SNTG1: variants seen among roughly 807,000 people sequenced by gnomAD.
The protein encoded by SNTG1 is syntrophin gamma 1.
SNTG1 carries 39 observed loss-of-function variants against 74.7 expected under a neutral mutation model. The ratio of observed to expected loss-of-function variants is 0.52; its 90% CI spans 0.40 to 0.68. SNTG1 has a LOEUF of 0.68. Ranked by LOEUF, SNTG1 falls within the 30% of genes least tolerant of loss-of-function variation. The pLI is 0.00. For synonymous variants in SNTG1, 254 were observed against 217.1 expected (o/e 1.17, Z -1.49); for missense variants, 685 against 609.5 (o/e 1.12, Z -1.30).
At chr8:50,136,570 T>C (rs2081482302) in intron 1 of SNTG1, among the ~76,000 whole-genome samples, 1 of 152,158 alleles carries the variant, frequency 6.6e-6, no homozygotes, top group African/African-American at 2.4e-5. Context: ...AGACTCCTTT[T>C]GTCCTGAGAA....
At chr8:50,715,742 T>TG (rs1306523488) in intron 17 of SNTG1, among the ~76,000 whole-genome samples, 9 of 152,194 alleles carry the variant, frequency 5.9e-5, no homozygotes. Context: ...ACTTACATTC[T>TG]GAGAATTAAG....
intron 2 of SNTG1, among the ~76,000 whole-genome samples, chr8:50,255,678 T>C (rs567660916): frequency 3.9e-5 from 6 of 152,352 alleles, no homozygotes; most frequent in African/African-American, 7.2e-5. Flanking sequence ...TGCATGTTTA[T>C]GTCTAAATGT....
At position 50,657,043 on chromosome 8, in the gene SNTG1, A is replaced by G. The variant is rs368397896; in HGVS notation, c.966+18A>G. On this transcript the variant is annotated intron_variant, in intron 14 of 18. Transcript: ENST00000642720. ...CACCTCCAGTACGTGTTTTATTGAA[A>G]TGTATTGGTCGTTTCCATATTATCA... is the stretch of plus-strand genomic sequence containing the variant. 13 of 1,450,294 alleles carry G rather than the reference A, an allele frequency of 9.0e-6. No homozygotes were observed. In the African/African-American group the frequency reaches 1.9e-4, roughly 21 times the overall value. The allele number at this position is 1,450,294 out of a possible 1,614,324, so 89.8% of individuals were successfully genotyped here.
At chr8:50,773,989 A>G (rs1455216784) in intron 18 of SNTG1, among the ~76,000 whole-genome samples, 1 of 152,054 alleles carries the variant, frequency 6.6e-6, no homozygotes, top group Admixed American at 6.6e-5. Flanking sequence ...AACTGAACAA[A>G]ACATTTGAGT....
chr8:50,449,144 G>A (rs538077227), intron 5 of SNTG1, among the ~76,000 whole-genome samples: 80 of 152,240 alleles, frequency 5.3e-4, no homozygotes, highest in Non-Finnish European at 9.1e-4. Context: ...TTTCACACAA[G>A]GAGGAATTCA....
Position 50,198,378 on chromosome 8 carries a change from A to T in SNTG1, c.-28+25743A>T, listed in dbSNP as rs1015058081. 2.0e-5 allele frequency among the ~76,000 whole-genome samples: 3 copies of T among 152,124 alleles called. No individual in the cohort carries two copies. In the East Asian group the frequency reaches 5.8e-4, roughly 29 times the overall value. On this transcript the variant is annotated intron_variant, in intron 2 of 18. Coordinates refer to ENST00000642720, the MANE Select transcript of SNTG1 (RefSeq NM_018967.5). Reference sequence around the variant, plus strand: ...GCCACACCATCAGTTTGAGTTGCTGATTATTTCTCTGGAAATAGGATAGGC... The same window carrying T: ...GCCACACCATCAGTTTGAGTTGCTGTTTATTTCTCTGGAAATAGGATAGGC...
intron 2 of SNTG1, among the ~76,000 whole-genome samples, chr8:50,227,795 A>C (rs1281015638): frequency 1.3e-5 from 2 of 151,932 alleles, no homozygotes; most frequent in East Asian, 3.9e-4. Flanking sequence ...ATAACTGAGA[A>C]AGTATTTATA....
At chr8:50,065,626 C>T (rs987028139) in intron 1 of SNTG1, among the ~76,000 whole-genome samples, 1 of 152,066 alleles carries the variant, frequency 6.6e-6, no homozygotes, top group Non-Finnish European at 1.5e-5. Context: ...ATATTATAGA[C>T]GTTTTCAGGA....
intron 2 of SNTG1, among the ~76,000 whole-genome samples, chr8:50,387,497 T>G (rs889604211): frequency 6.6e-6 from 1 of 151,750 alleles, no homozygotes; most frequent in Non-Finnish European, 1.5e-5. Flanking sequence ...TATAAGTCAT[T>G]TTTTTTTGGT....
intron 2 of SNTG1, among the ~76,000 whole-genome samples, chr8:50,243,192 AG>A (rs1164989523): frequency 2.6e-5 from 4 of 152,104 alleles, no homozygotes; most frequent in African/African-American, 7.2e-5. Flanking sequence ...TATATTTGAA[AG>A]ACCTCTGTGA....
At chr8:50,277,239 C>G (rs1439717292) in intron 2 of SNTG1, among the ~76,000 whole-genome samples, 2 of 132,624 alleles carry the variant, frequency 1.5e-5, no homozygotes, top group South Asian at 4.8e-4. Context: ...TGCACTCCCG[C>G]TTAGGCAACT....
chr8:50,753,509 A>G (rs897937057), intron 18 of SNTG1, among the ~76,000 whole-genome samples: 2 of 151,942 alleles, frequency 1.3e-5, no homozygotes, highest in Non-Finnish European at 2.9e-5. Flanking sequence ...ACACTTTTTA[A>G]TGAGCTAACA....
At chr8:50,570,226 TTTTTATTTTATTTTA>T (rs1175368970) in intron 12 of SNTG1, among the ~76,000 whole-genome samples, 3 of 46,848 alleles carry the variant, frequency 6.4e-5, no homozygotes, top group Non-Finnish European at 1.2e-4. Flanking sequence ...GGTGGTTCTA[TTTTTATTTTATTTTA>T]TTTTATTTTA....
At chr8:50,606,934 A>G (rs952729014) in intron 13 of SNTG1, among the ~76,000 whole-genome samples, 5 of 151,836 alleles carry the variant, frequency 3.3e-5, no homozygotes, top group Non-Finnish European at 7.4e-5. Context: ...CCAGTTAATC[A>G]TAATGTTTTT....
intron 8 of SNTG1, among the ~76,000 whole-genome samples, chr8:50,481,304 C>A (rs1300556164): frequency 6.6e-6 from 1 of 152,086 alleles, no homozygotes; most frequent in Non-Finnish European, 1.5e-5. Flanking sequence ...TTGCTTGAAC[C>A]CGGGAGACGG....
At chr8:50,105,873 T>C (rs193172856) in intron 1 of SNTG1, among the ~76,000 whole-genome samples, 2 of 152,136 alleles carry the variant, frequency 1.3e-5, no homozygotes, top group African/African-American at 4.8e-5. Flanking sequence ...TTTTTATACA[T>C]TGATTTTGTA....
chr8:50,756,764 T>G (rs1250394220), intron 18 of SNTG1, among the ~76,000 whole-genome samples: 1 of 151,782 alleles, frequency 6.6e-6, no homozygotes, highest in Admixed American at 6.6e-5. Flanking sequence ...CTTTTGCCTC[T>G]CTCTATATAT....
At chr8:50,102,037 A>G (rs1396210102) in intron 1 of SNTG1, among the ~76,000 whole-genome samples, 1 of 152,108 alleles carries the variant, frequency 6.6e-6, no homozygotes, top group Non-Finnish European at 1.5e-5. Context: ...ATGTGTCTTT[A>G]TAGCAGCATG....
At chr8:49,985,486 G>A (rs1813072523) in intron 1 of SNTG1, among the ~76,000 whole-genome samples, 1 of 152,072 alleles carries the variant, frequency 6.6e-6, no homozygotes, top group Non-Finnish European at 1.5e-5. Flanking sequence ...TATTATCTCT[G>A]GAGAGGATAT....
Sources: gnomAD v4.1 joint callset for allele counts (sites outside exome capture counted in the v4.1 genomes callset) on GRCh38, gnomAD v4.1.1 for gene constraint, MANE v1.5 for transcripts, NCBI Gene and HGNC (gene_info 2026-07-23, HGNC 2026-07-21) for gene names.